NPSR1: variants seen among roughly 807,000 people sequenced by gnomAD.
NPSR1 encodes neuropeptide S receptor 1, also known as neuropeptide S receptor.
Under a neutral mutation model 46.9 loss-of-function variants are expected in NPSR1, and 48 were observed. The ratio of observed to expected loss-of-function variants is 1.02; its 90% CI spans 0.81 to 1.30. The LOEUF is 1.30. Among genes scored for constraint, NPSR1 ranks in the 50% most tolerant of loss-of-function variants. The pLI, the probability that NPSR1 is intolerant of heterozygous loss-of-function variation, is 0.00. For synonymous variants in NPSR1, 176 were observed against 168.1 expected (o/e 1.05, Z -0.36); for missense variants, 450 against 449.5 (o/e 1.00, Z -0.01).
intron 3 of NPSR1, among the ~76,000 whole-genome samples, chr7:34,805,917 T>A (rs573015195): frequency 6.6e-6 from 1 of 151,782 alleles, no homozygotes; most frequent in South Asian, 2.1e-4. Flanking sequence ...AGTAAACAGA[T>A]AGAAAGAAGC....
intron 4 of NPSR1, among the ~76,000 whole-genome samples, chr7:34,823,070 G>C (rs951628268): frequency 6.6e-5 from 10 of 152,188 alleles, no homozygotes; most frequent in African/African-American, 2.4e-4. Flanking sequence ...TGGGCAAAGG[G>C]CATGAACAGA....
At chr7:34,734,230 A>G (rs748078476) in intron 2 of NPSR1, among the ~76,000 whole-genome samples, 1 of 152,232 alleles carries the variant, frequency 6.6e-6, no homozygotes, top group South Asian at 2.1e-4. Context: ...GATGTTGAAT[A>G]TCATTCCAGA....
intron 8 of NPSR1, among the ~76,000 whole-genome samples, chr7:34,861,296 C>T (rs1791186503): frequency 1.3e-5 from 2 of 151,924 alleles, no homozygotes; most frequent in African/African-American, 4.9e-5. Flanking sequence ...AGCCACCTCC[C>T]CATGCACTTG....
chr7:34,781,765 A>G (rs2128738533), intron 3 of NPSR1, among the ~76,000 whole-genome samples: 1 of 152,276 alleles, frequency 6.6e-6, no homozygotes, highest in East Asian at 1.9e-4. Flanking sequence ...GGGAATGCCC[A>G]CACTCCAGAC....
intron 1 of NPSR1, among the ~76,000 whole-genome samples, chr7:34,665,414 G>T (rs1250070275): frequency 6.6e-6 from 1 of 152,172 alleles, no homozygotes; most frequent in Non-Finnish European, 1.5e-5. Flanking sequence ...CGCCCCCAGG[G>T]TCGAGGGTAT....
chr7:34,798,839 T>C (rs916001377), intron 3 of NPSR1, among the ~76,000 whole-genome samples: 5 of 152,126 alleles, frequency 3.3e-5, no homozygotes, highest in Non-Finnish European at 5.9e-5. Flanking sequence ...ATTTTCAAAC[T>C]GTTTGGAGAT....
intron 8 of NPSR1, among the ~76,000 whole-genome samples, chr7:34,856,767 C>T (rs1313118735): frequency 6.6e-6 from 1 of 151,530 alleles, no homozygotes; most frequent in Non-Finnish European, 1.5e-5. Context: ...GGGGAAGGGA[C>T]CGCAAGTCAT....
chr7:34,674,559 T>C (rs1371706707), intron 1 of NPSR1, among the ~76,000 whole-genome samples: 1 of 152,216 alleles, frequency 6.6e-6, no homozygotes, highest in African/African-American at 2.4e-5. Context: ...CACTGAGAAG[T>C]GACACCAAAT....
intron 3 of NPSR1, among the ~76,000 whole-genome samples, chr7:34,810,753 T>C (rs763556053): frequency 2.0e-5 from 3 of 152,246 alleles, no homozygotes; most frequent in Admixed American, 6.5e-5. Context: ...GGACTGATCC[T>C]GAAATATGGA....
intron 2 of NPSR1, among the ~76,000 whole-genome samples, chr7:34,761,600 C>A (rs115934542): frequency 2.0e-5 from 3 of 152,220 alleles, no homozygotes; most frequent in African/African-American, 4.8e-5. Context: ...AGCCTGCTAC[C>A]CCTTAGCTCT....
intron 4 of NPSR1, among the ~76,000 whole-genome samples, chr7:34,812,718 T>C (rs1789049413): frequency 6.6e-6 from 1 of 152,108 alleles, no homozygotes; most frequent in South Asian, 2.1e-4. Context: ...TGAAAGCAAA[T>C]ACAAAGCCAT....
chr7:34,837,716 A>G (rs1271064531), intron 6 of NPSR1, among the ~76,000 whole-genome samples: 6 of 152,196 alleles, frequency 3.9e-5, no homozygotes, highest in Non-Finnish European at 7.3e-5. Flanking sequence ...CTGGTATTCA[A>G]ATGCACACAT....
At chr7:34,721,376 G>A (rs1273835087) in intron 2 of NPSR1, among the ~76,000 whole-genome samples, 2 of 152,162 alleles carry the variant, frequency 1.3e-5, no homozygotes, top group African/African-American at 4.8e-5. Flanking sequence ...TACAATAGAA[G>A]AAACCCTTCC....
intron 3 of NPSR1, among the ~76,000 whole-genome samples, chr7:34,778,934 T>C (rs1413462010): frequency 6.6e-6 from 1 of 152,186 alleles, no homozygotes; most frequent in East Asian, 1.9e-4. Flanking sequence ...GCTACTGCTC[T>C]TTTTTGTAAA....
At chr7:34,771,214 C>T (rs1786667206) in intron 2 of NPSR1, among the ~76,000 whole-genome samples, 1 of 152,256 alleles carries the variant, frequency 6.6e-6, no homozygotes, top group East Asian at 1.9e-4. Context: ...GTGAGTGGAT[C>T]ACTTGAGCCC....
At chr7:34,714,119 G>T (rs554907854) in intron 2 of NPSR1, among the ~76,000 whole-genome samples, 1 of 152,376 alleles carries the variant, frequency 6.6e-6, no homozygotes, top group East Asian at 1.9e-4. Flanking sequence ...TCCGCTGGAA[G>T]TCTGGCAAAG....
chr7:34,736,555 C>A (rs1225871359), intron 2 of NPSR1, among the ~76,000 whole-genome samples: 2 of 152,134 alleles, frequency 1.3e-5, no homozygotes, highest in African/African-American at 4.8e-5. Context: ...CATGCACACA[C>A]ACACCCTACC....
intron 1 of NPSR1, among the ~76,000 whole-genome samples, chr7:34,676,567 G>C (rs1172511222): frequency 1.3e-5 from 2 of 151,978 alleles, no homozygotes; most frequent in Non-Finnish European, 2.9e-5. Context: ...ATACGGCTGC[G>C]AATAAAGGAG....
intron 2 of NPSR1, among the ~76,000 whole-genome samples, chr7:34,703,409 A>T (rs1382466295): frequency 1.3e-5 from 2 of 149,634 alleles, no homozygotes; most frequent in South Asian, 2.1e-4. Flanking sequence ...TAAATAAAGC[A>T]TTTTTTTTTT....
Sources: gnomAD v4.1 joint callset for allele counts (sites outside exome capture counted in the v4.1 genomes callset) on GRCh38, gnomAD v4.1.1 for gene constraint, MANE v1.5 for transcripts, NCBI Gene and HGNC (gene_info 2026-07-23, HGNC 2026-07-21) for gene names.